Variants in POLR3A observed in about 807,000 individuals in gnomAD.
POLR3A encodes DNA-directed RNA polymerase III subunit RPC1.
POLR3A carries 112 observed loss-of-function variants against 152.8 expected under a neutral mutation model. That is an observed-to-expected ratio of 0.73 (90% CI 0.63 to 0.86). POLR3A has a LOEUF of 0.86. POLR3A is among the 40% of genes least tolerant of loss of function. The probability of loss-of-function intolerance (pLI) is 0.00; values close to 1 mark genes in which losing one functional copy is unlikely to be tolerated. For missense variants in POLR3A, 1,385 were observed against 1,743.1 expected (o/e 0.79, Z 3.66); for synonymous variants, 615 against 652.1 (o/e 0.94, Z 0.87).
chr10:77,999,553 C>T (rs1847335315), intron 19 of POLR3A, among the ~76,000 whole-genome samples: 2 of 152,274 alleles, frequency 1.3e-5, no homozygotes, highest in African/African-American at 4.8e-5. Flanking sequence ...AGCATCCAAG[C>T]CCCGCAGCAA....
intron 11 of POLR3A, chr10:78,012,964 C>T (rs552066188): frequency 6.5e-6 from 1 of 153,568 alleles, no homozygotes; most frequent in East Asian, 1.9e-4. Flanking sequence ...TCAAGTGAAC[C>T]ACCTGCCTAG....
At chr10:77,992,496 G>A (rs1564615853) in intron 20 of POLR3A, among the ~76,000 whole-genome samples, 3 of 141,242 alleles carry the variant, frequency 2.1e-5, no homozygotes, top group Admixed American at 7.5e-5. Flanking sequence ...AGGTTGGAGT[G>A]CAGTGGTGTG....
At chr10:78,011,317 C>T (rs1847464532) in intron 11 of POLR3A, among the ~76,000 whole-genome samples, 1 of 152,158 alleles carries the variant, frequency 6.6e-6, no homozygotes, top group African/African-American at 2.4e-5. Context: ...AATCCAACAA[C>T]AGAATTTAAT....
At chr10:78,025,880 G>T in intron 2 of POLR3A, 121 bp from the exon 3 acceptor site, 2 of 1,163,918 alleles carry the variant, frequency 1.7e-6, no homozygotes, top group South Asian at 1.2e-5. Flanking sequence ...TCCTTTCTGA[G>T]ATCACTTCCT....
chr10:77,979,592 G>T (rs1847120806), intron 30 of POLR3A, among the ~76,000 whole-genome samples: 1 of 152,218 alleles, frequency 6.6e-6, no homozygotes, highest in Non-Finnish European at 1.5e-5. Flanking sequence ...TGCAGAGCAA[G>T]GCTCTGCTGG....
At chr10:77,998,743 C>T (rs1430796889) in intron 19 of POLR3A, among the ~76,000 whole-genome samples, 4 of 152,150 alleles carry the variant, frequency 2.6e-5, no homozygotes, top group Admixed American at 2.0e-4. Context: ...GTCAGTGTGG[C>T]GATTCCTCAG....
At chr10:77,995,498 A>G (rs1485758571) in intron 19 of POLR3A, among the ~76,000 whole-genome samples, 2 of 152,218 alleles carry the variant, frequency 1.3e-5, no homozygotes, top group African/African-American at 4.8e-5. Flanking sequence ...AAAAAAAGGC[A>G]GGGGTGGCAA....
intron 30 of POLR3A, among the ~76,000 whole-genome samples, chr10:77,978,661 T>G (rs7921962): frequency 7.3e-5 from 9 of 122,604 alleles, no homozygotes; most frequent in South Asian, 4.7e-4. Context: ...TTCATGCTAG[T>G]TTTTTTTTTT....
chr10:78,027,381 C>T (rs537243194), intron 1 of POLR3A, among the ~76,000 whole-genome samples: 185 of 152,276 alleles, frequency 1.2e-3, no homozygotes, highest in Non-Finnish European at 2.0e-3. Context: ...TAAATGCAGC[C>T]GGGTGCGGTG....
chr10:78,026,002 G>A (rs1847630668), intron 2 of POLR3A, 92 bp downstream of exon 2: 10 of 1,506,110 alleles, frequency 6.6e-6, no homozygotes, highest in Non-Finnish European at 9.2e-6. Context: ...TTGAGGAGAT[G>A]GAAGGAAGCC....
intron 19 of POLR3A, among the ~76,000 whole-genome samples, chr10:77,994,689 T>C (rs1847282149): frequency 6.6e-6 from 1 of 152,166 alleles, no homozygotes; most frequent in Non-Finnish European, 1.5e-5. Flanking sequence ...GTCTGATTGG[T>C]GTACCTGAAA....
chr10:78,029,461 C>G lies in POLR3A; in HGVS notation c.-54G>C. 1 of 1,591,598 alleles carries G rather than the reference C, an allele frequency of 6.3e-7. No individual in the cohort carries two copies. The highest frequency in any genetic ancestry group is 1.7e-5 in the Admixed American group (1 of 59,966). On this transcript the variant is annotated 5_prime_UTR_variant, in exon 1 of 31. Coordinates refer to ENST00000372371, the MANE Select transcript of POLR3A (RefSeq NM_007055.4). ...CACTCGGGAGGCCAGATTAGAGAAA[C>G]GATGCCCCCAGCACCTCCTGGGGCT...
chr10:77,990,780 A>G lies in POLR3A; in HGVS notation c.2901+274T>C, dbSNP rs549397427. ...AGGTGCCCGCCACCACGCCCGGCTA[A>G]TTTTTGTATTTTTAGTAGAGACAGG... On this transcript the variant is annotated intron_variant, in intron 21 of 30. Transcript: ENST00000372371. Among the ~76,000 whole-genome samples the G allele has an allele frequency of 1.2e-3, 185 of 152,008 alleles. No homozygotes were observed. The highest frequency in any genetic ancestry group is 2.1e-3 in the Non-Finnish European group (146 of 67,968).
rs1381853366 is a variant in POLR3A, at chr10:78,009,688, G to A, written c.1771-13C>T. On this transcript the variant is annotated splice_polypyrimidine_tract_variant and intron_variant, in intron 13 of 30. Coordinates refer to ENST00000372371, the MANE Select transcript of POLR3A (RefSeq NM_007055.4). The stretch of plus-strand genomic sequence containing the variant: ...ACAGGGTGACAGGCTGAGGGGGGGA[G>A]GAAGCCTGAGAGTCAGTGGGCTGAG... 6.2e-7 allele frequency: 1 copy of A among 1,614,170 alleles called. No homozygotes were observed. The highest frequency in any genetic ancestry group is 1.7e-5 in the Admixed American group (1 of 60,014).
intron 21 of POLR3A, among the ~76,000 whole-genome samples, chr10:77,989,034 ACACATTTCC>A (rs1476019084): frequency 1.3e-5 from 2 of 150,968 alleles, no homozygotes; most frequent in Non-Finnish European, 3.0e-5. Flanking sequence ...ACCCCAATGG[ACACATTTCC>A]CGTGGGTTTG....
chr10:78,015,028 C>T (rs1847505392), intron 10 of POLR3A, among the ~76,000 whole-genome samples: 1 of 152,104 alleles, frequency 6.6e-6, no homozygotes, highest in Admixed American at 6.6e-5. Flanking sequence ...CTCAAACAAA[C>T]CACAAAAAGA....
chr10:78,023,459 AAAAAAAAAAAGTGTTACTGTT>A (rs998490268), intron 5 of POLR3A, among the ~76,000 whole-genome samples: 42 of 138,956 alleles, frequency 3.0e-4, no homozygotes, highest in African/African-American at 9.8e-4. Flanking sequence ...CTCTGTCTCT[AAAAAAAAAAAGTGTTACTGTT>A]AAAAAAGAAC....
rs141899032 is a variant in POLR3A at position 78,021,884 on chromosome 10, C to T, written c.1024G>A (p.Val342Ile). The T allele has an allele frequency of 8.7e-5, 141 of 1,613,966 alleles. No homozygotes were observed. The highest frequency in any genetic ancestry group is 1.1e-4 in the Non-Finnish European group (126 of 1,180,016). Residue 342 changes from valine (V) to isoleucine (I), a missense_variant, in exon 7 of 31, where the codon GTC becomes ATC. Coordinates refer to ENST00000372371, the MANE Select transcript of POLR3A (RefSeq NM_007055.4). Reference sequence around the variant, plus strand: ...CCCTGTTTTCCCTTCAGGCGTTGGACGAAGCCTCTGGTCCACTTCTTGGGT... The same window carrying T: ...CCCTGTTTTCCCTTCAGGCGTTGGATGAAGCCTCTGGTCCACTTCTTGGGT... ...MAPKKWTRGFVQRLKGKQGRF... is the reference protein window; with the variant it reads ...MAPKKWTRGFIQRLKGKQGRF...
At position 77,979,842 on chromosome 10, in the gene POLR3A, A is replaced by T. The variant is rs4979937; in HGVS notation, c.4024+299T>A. Among the ~76,000 whole-genome samples, 32,254 of 152,036 alleles carry T rather than the reference A, an allele frequency of 0.21. 3,833 individuals carry two copies. Among genetic ancestry groups the T allele is most frequent in the East Asian group, 0.5 (2,580 of 5,128 alleles). On this transcript the variant is annotated intron_variant, in intron 30 of 30. Transcript: ENST00000372371. The stretch of plus-strand genomic sequence containing the variant: ...GGGGTCAGGATCAGTGTGGCTGACT[A>T]CAAAGTCAAGGGCTAGAAAAATTCT...
Sources: allele counts gnomAD v4.1 joint callset (sites outside exome capture counted in the v4.1 genomes callset), GRCh38; gene constraint gnomAD v4.1.1; transcripts MANE v1.5; gene names NCBI Gene and HGNC (gene_info 2026-07-23, HGNC 2026-07-21).